The following PRKCH variants were observed in gnomAD, a reference collection of about 807,000 sequenced individuals.
The protein encoded by PRKCH is protein kinase C eta, also known as protein kinase C eta type.
Under a neutral mutation model 82.5 loss-of-function variants are expected in PRKCH, and 28 were observed. The ratio of observed to expected loss-of-function variants is 0.34; its 90% confidence interval spans 0.25 to 0.47. The LOEUF (loss-of-function observed/expected upper bound fraction) is 0.47, where lower values mean the gene tolerates loss of function less well. Among genes scored for constraint, PRKCH ranks in the 20% least tolerant of loss-of-function variants. PRKCH has a pLI of 1.00. For missense variants in PRKCH, 705 were observed against 881.8 expected (o/e 0.80, Z 2.54); for synonymous variants, 322 against 327.4 (o/e 0.98, Z 0.18).
chr14:61,198,073 A>T (rs894659161), intron 1 of PRKCH, among the ~76,000 whole-genome samples: 2 of 69,906 alleles, frequency 2.9e-5, no homozygotes, highest in East Asian at 6.9e-4. Context: ...ATTGATCCTT[A>T]AAAAAAAAAG....
chr14:61,511,448 C>G (rs1887370436), intron 10 of PRKCH, among the ~76,000 whole-genome samples: 1 of 152,160 alleles, frequency 6.6e-6, no homozygotes, highest in Non-Finnish European at 1.5e-5. Context: ...GGGGCAGCCC[C>G]CCACCCAGAA....
At chr14:61,321,134 C>G (rs1165427351), upstream of PRKCH, among the ~76,000 whole-genome samples, 1 of 152,222 alleles carries the variant, frequency 6.6e-6, no homozygotes. This position sits in a 1 kb window ranked among gnomAD's most constrained non-coding sequence, Gnocchi z 4.1. Context: ...ATGAGCCATC[C>G]CTGTAAATAT....
intron 1 of PRKCH, among the ~76,000 whole-genome samples, chr14:61,231,616 C>T (rs1413538696): frequency 6.6e-6 from 1 of 152,156 alleles, no homozygotes; most frequent in African/African-American, 2.4e-5. Flanking sequence ...TTGTGATCCG[C>T]CCACCTCGGC....
intron 1 of PRKCH, among the ~76,000 whole-genome samples, chr14:61,284,441 G>A (rs2045297257): frequency 6.6e-6 from 1 of 152,220 alleles, no homozygotes; most frequent in Non-Finnish European, 1.5e-5. Context: ...TAATTGGCAG[G>A]TGCCGTGAAA....
intron 2 of PRKCH, among the ~76,000 whole-genome samples, chr14:61,391,904 G>A (rs1203168892): frequency 1.3e-5 from 2 of 152,078 alleles, no homozygotes; most frequent in African/African-American, 2.4e-5. Flanking sequence ...ACATTTCCCT[G>A]TACCCTTTTT....
chr14:61,309,400 G>A (rs1279423177), intron 1 of PRKCH, among the ~76,000 whole-genome samples: 2 of 152,226 alleles, frequency 1.3e-5, no homozygotes, highest in African/African-American at 2.4e-5. Flanking sequence ...GGGATCTGTG[G>A]CAGGCAGGAA....
rs113124075 is a variant in PRKCH at position 61,475,895 on chromosome 14, A to G, written c.1279-9607A>G. Among the ~76,000 whole-genome samples the G allele has an allele frequency of 4.3e-3, 654 of 152,298 alleles. 4 individuals are homozygous for G. Among genetic ancestry groups the G allele is most frequent in the Non-Finnish European group, 6.5e-3 (439 of 68,008 alleles). On this transcript the variant is annotated intron_variant, in intron 9 of 13. Transcript: ENST00000332981. The stretch of plus-strand genomic sequence containing the variant: ...GAAGCTAAAAGCTTGAGACTTCTAT[A>G]TCTGGTTGTCAGGATTAGGGTGATT...
chr14:61,220,591 G>A (rs2044648230), intron 1 of PRKCH, among the ~76,000 whole-genome samples: 2 of 152,250 alleles, frequency 1.3e-5, no homozygotes, highest in South Asian at 4.1e-4. Context: ...AAAGGACAGT[G>A]AAGAGCTTAG....
chr14:61,432,121 T>G (rs17098356), intron 2 of PRKCH, among the ~76,000 whole-genome samples: 105,270 of 151,146 alleles, frequency 0.7, 36,865 homozygotes, highest in East Asian at 0.73. Context: ...TCTGTGTAAC[T>G]AAGTCTAAAG....
intron 1 of PRKCH, among the ~76,000 whole-genome samples, chr14:61,331,707 G>A (rs557242388): frequency 2.0e-5 from 3 of 152,242 alleles, no homozygotes; most frequent in East Asian, 3.9e-4. Context: ...TGCACTAAAC[G>A]GTCTCCAAAG....
At chr14:61,475,739 T>C (rs1885702115) in intron 9 of PRKCH, among the ~76,000 whole-genome samples, 1 of 152,250 alleles carries the variant, frequency 6.6e-6, no homozygotes, top group Non-Finnish European at 1.5e-5. Context: ...GTGTATGTTT[T>C]TTACTTTTTC....
At chr14:61,462,888 G>A (rs913563527) in intron 9 of PRKCH, among the ~76,000 whole-genome samples, 6 of 152,200 alleles carry the variant, frequency 3.9e-5, no homozygotes, top group African/African-American at 7.2e-5. Flanking sequence ...GTAACTAGCC[G>A]AGGATCCCTT....
chr14:61,232,843 A>C (rs1236808254), intron 1 of PRKCH, among the ~76,000 whole-genome samples: 4 of 152,144 alleles, frequency 2.6e-5, no homozygotes, highest in Non-Finnish European at 5.9e-5. Flanking sequence ...CTTGGTGTTC[A>C]TGTGACCGTA....
At chr14:61,387,467 T>C (rs558505864) in intron 1 of PRKCH, among the ~76,000 whole-genome samples, 63 of 152,338 alleles carry the variant, frequency 4.1e-4, no homozygotes, top group Non-Finnish European at 8.5e-4. Context: ...ACTGGAGCTG[T>C]AGAGGGCGAA....
chr14:61,384,194 A>G lies in PRKCH; in HGVS notation c.364-7031A>G, dbSNP rs543242507. ...TGGCTCCAGGATTTTAAGCCTGGGA[A>G]CGCAGAAGAACAGTGGTTCTAGTGA... On this transcript the variant is annotated intron_variant, in intron 1 of 13. Coordinates refer to ENST00000332981, the MANE Select transcript of PRKCH (RefSeq NM_006255.5). Among the ~76,000 whole-genome samples the G allele has an allele frequency of 6.6e-5, 10 of 152,276 alleles. 1 individual carries two copies. The East Asian group carries it at 1.9e-3, about 29-fold the overall frequency.
At chr14:61,416,247 G>T (rs1453578548) in intron 2 of PRKCH, among the ~76,000 whole-genome samples, 5 of 151,628 alleles carry the variant, frequency 3.3e-5, no homozygotes, top group Non-Finnish European at 2.9e-5. Flanking sequence ...GTAGAGACAG[G>T]ATTTTGCTAT....
intron 1 of PRKCH, among the ~76,000 whole-genome samples, chr14:61,324,559 T>TA (rs1306404722): frequency 1.2e-4 from 18 of 152,254 alleles, no homozygotes; most frequent in Non-Finnish European, 2.4e-4. Context: ...AAAATCTTGT[T>TA]AAAAAAATTT....
intron 1 of PRKCH, chr14:61,277,415 T>C (rs2045213337): frequency 6.6e-6 from 1 of 152,234 alleles, no homozygotes; most frequent in African/African-American, 2.4e-5. Flanking sequence ...CAAAGCTCAT[T>C]TCCAGTCCAA....
intron 1 of PRKCH, among the ~76,000 whole-genome samples, chr14:61,246,063 G>T: frequency 6.6e-6 from 1 of 152,070 alleles, no homozygotes; most frequent in Non-Finnish European, 1.5e-5. Context: ...CTATTCATTG[G>T]ACAAATATTG....
Sources: gnomAD v4.1 joint callset for allele counts (sites outside exome capture counted in the v4.1 genomes callset) on GRCh38, gnomAD v4.1.1 for gene constraint, Gnocchi (gnomAD v3.1) non-coding constraint, MANE v1.5 for transcripts, NCBI Gene and HGNC (gene_info 2026-07-23, HGNC 2026-07-21) for gene names.